Variants in XKR9 observed in about 807,000 individuals in gnomAD.
The protein encoded by XKR9 is XK-related protein 9.
Under a neutral mutation model 32.0 loss-of-function variants are expected in XKR9, and 32 were observed. The observed-to-expected ratio is 1.00, with a 90% CI of 0.76 to 1.34. The LOEUF is 1.34. XKR9 is among the 40% of genes most tolerant of loss of function. The pLI is 0.00. For missense variants in XKR9, 546 were observed against 429.7 expected (o/e 1.27, Z -2.39); for synonymous variants, 168 against 143.4 (o/e 1.17, Z -1.22).
In XKR9 at chr8:70,762,971, A is replaced by G. The variant is rs115742855; in HGVS notation, n.353-26368A>G. 3.0e-3 allele frequency among the ~76,000 whole-genome samples: 458 copies of G among 152,286 alleles called. 3 individuals carry two copies. The highest frequency in any genetic ancestry group is 0.011 in the African/African-American group (439 of 41,552). ...TGAAATCATGAATTGTATGTGGTGGATTTTTTGGTAAAGGAAGGTTGATCT... is the reference window on the plus strand; with the variant it reads ...TGAAATCATGAATTGTATGTGGTGGGTTTTTTGGTAAAGGAAGGTTGATCT... On this transcript the variant is annotated intron_variant and non_coding_transcript_variant, in intron 2 of 3. Transcript: ENST00000520273.
the XKR9 span, among the ~76,000 whole-genome samples, chr8:70,963,653 A>T: frequency 6.6e-6 from 1 of 152,174 alleles, no homozygotes; most frequent in Admixed American, 6.6e-5. Flanking sequence ...TTTTAACAAT[A>T]GCCATTCTGA....
intron 2 of XKR9, among the ~76,000 whole-genome samples, chr8:70,741,852 A>T (rs6472542): frequency 2.6e-5 from 4 of 151,872 alleles, no homozygotes; most frequent in Non-Finnish European, 5.9e-5. Flanking sequence ...TATGGTGGTT[A>T]TTTTGAGGAA....
chr8:70,706,291 G>T (rs1258045494), intron 3 of XKR9, among the ~76,000 whole-genome samples: 2 of 152,050 alleles, frequency 1.3e-5, no homozygotes, highest in Non-Finnish European at 2.9e-5. Context: ...TCTTTCAGAA[G>T]AAGAGTCTGA....
At chr8:71,037,237 A>C in the XKR9 span, among the ~76,000 whole-genome samples, 1 of 152,210 alleles carries the variant, frequency 6.6e-6, no homozygotes, top group Non-Finnish European at 1.5e-5. Context: ...AGAACATGTA[A>C]ATTTCTATGC....
At chr8:70,840,556 A>G in the XKR9 span, among the ~76,000 whole-genome samples, 2 of 152,266 alleles carry the variant, frequency 1.3e-5, no homozygotes, top group Admixed American at 6.5e-5. Flanking sequence ...AGATTTTTCT[A>G]TATCTCCACT....
intron 4 of XKR9, among the ~76,000 whole-genome samples, chr8:70,719,990 A>G (rs1041446979): frequency 5.3e-5 from 8 of 152,050 alleles, no homozygotes; most frequent in African/African-American, 1.9e-4. Flanking sequence ...AGTGGTTTGT[A>G]GTTCTTTTTG....
chr8:71,005,606 C>T, the XKR9 span, among the ~76,000 whole-genome samples: 1 of 152,172 alleles, frequency 6.6e-6, no homozygotes, highest in Non-Finnish European at 1.5e-5. Flanking sequence ...TGCAAGAAAA[C>T]TTCTTATCCA....
the XKR9 span, among the ~76,000 whole-genome samples, chr8:70,990,658 A>G: frequency 2.3e-3 from 353 of 152,064 alleles, 5 homozygotes; most frequent in African/African-American, 8.2e-3. Context: ...TTCCGTTCCA[A>G]TCCTTTAACA....
chr8:71,040,889 T>C, the XKR9 span, among the ~76,000 whole-genome samples: 3 of 152,168 alleles, frequency 2.0e-5, no homozygotes, highest in Admixed American at 6.5e-5. Context: ...GCTTTTTCTG[T>C]TATTTCAGTT....
At chr8:70,960,691 A>G in the XKR9 span, among the ~76,000 whole-genome samples, 1 of 151,828 alleles carries the variant, frequency 6.6e-6, no homozygotes, top group African/African-American at 2.4e-5. Context: ...TAGCCTGGGA[A>G]ACTCTGTCTC....
the XKR9 span, among the ~76,000 whole-genome samples, chr8:71,012,213 AG>A: frequency 6.6e-6 from 1 of 152,216 alleles, no homozygotes; most frequent in Non-Finnish European, 1.5e-5. Context: ...CATCTGAGAA[AG>A]AAACAAAGAT....
At chr8:71,016,886 T>C in the XKR9 span, among the ~76,000 whole-genome samples, 1 of 151,966 alleles carries the variant, frequency 6.6e-6, no homozygotes, top group South Asian at 2.1e-4. Context: ...GCCCTGAAAA[T>C]AAAATATGGA....
the XKR9 span, among the ~76,000 whole-genome samples, chr8:71,063,583 A>C: frequency 6.6e-6 from 1 of 152,168 alleles, no homozygotes; most frequent in Non-Finnish European, 1.5e-5. Context: ...AAAAGAAAAA[A>C]ACTATTTCTG....
the XKR9 span, among the ~76,000 whole-genome samples, chr8:71,028,802 A>G: frequency 5.3e-5 from 8 of 152,210 alleles, no homozygotes; most frequent in Non-Finnish European, 7.3e-5. Flanking sequence ...AATTAGGGAT[A>G]TTAATATACC....
At chr8:70,823,340 C>A in the XKR9 span, among the ~76,000 whole-genome samples, 1 of 152,202 alleles carries the variant, frequency 6.6e-6, no homozygotes, top group East Asian at 1.9e-4. Flanking sequence ...CTGATCACTG[C>A]AATTTGCATA....
the XKR9 span, among the ~76,000 whole-genome samples, chr8:70,945,164 TAACTA>T: frequency 6.6e-6 from 1 of 152,260 alleles, no homozygotes; most frequent in Admixed American, 6.5e-5. Flanking sequence ...TGAATCTCTC[TAACTA>T]AACTAATATG....
Position 70,679,098 on chromosome 8 carries a change from C to T in XKR9, c.-278-1683C>T, listed in dbSNP as rs967701792. On this transcript the variant is annotated intron_variant, in intron 2 of 4. Coordinates refer to ENST00000408926, the MANE Select transcript of XKR9 (RefSeq NM_001011720.2). ...GTTACAGATGGCTGCCTTCTTGTGT[C>T]CTCACATGGCCTTTTCTCTGGTGTT... Among the ~76,000 whole-genome samples the T allele has an allele frequency of 9.2e-5, 14 of 152,064 alleles. No individual in the cohort carries two copies. In the South Asian group the frequency reaches 1.0e-3, roughly 11 times the overall value.
the XKR9 span, among the ~76,000 whole-genome samples, chr8:70,923,141 A>G: frequency 6.6e-6 from 1 of 152,208 alleles, no homozygotes; most frequent in South Asian, 2.1e-4. Context: ...GCTCTCTATG[A>G]CGGCCCACTG....
chr8:70,786,026 G>A (rs532378070), intron 2 of XKR9, among the ~76,000 whole-genome samples: 23 of 151,684 alleles, frequency 1.5e-4, no homozygotes, highest in South Asian at 2.1e-4. Context: ...TAATTTCTTC[G>A]GTGACCCATT....
Sources: gnomAD v4.1 joint callset for allele counts (sites outside exome capture counted in the v4.1 genomes callset) on GRCh38, gnomAD v4.1.1 for gene constraint, MANE v1.5 for transcripts, NCBI Gene and HGNC (gene_info 2026-07-23, HGNC 2026-07-21) for gene names.